The following ACAD10 variants were observed in gnomAD, a reference collection of about 807,000 sequenced individuals.
ACAD10 encodes the protein ACAD-10.
ACAD10 carries 112 observed loss-of-function variants against 116.8 expected under a neutral mutation model. The observed-to-expected ratio is 0.96, with a 90% CI of 0.82 to 1.12. ACAD10 has a LOEUF of 1.12. Ranked by LOEUF, ACAD10 falls within the 50% of genes most tolerant of loss-of-function variation. ACAD10 has a pLI of 0.00. For synonymous variants in ACAD10, 486 were observed against 510.6 expected, an observed-to-expected ratio of 0.95 and a Z score of 0.65; for missense variants, 1,259 against 1,350.2, an observed-to-expected ratio of 0.93 and a Z score of 1.06.
At chr12:111,720,885 G>C (rs1888996340) in intron 7 of ACAD10, among the ~76,000 whole-genome samples, 1 of 152,048 alleles carries the variant, frequency 6.6e-6, no homozygotes, top group South Asian at 2.1e-4. Flanking sequence ...CTGGGTTCAA[G>C]TGATTCTCAT....
intron 1 of ACAD10, among the ~76,000 whole-genome samples, chr12:111,690,286 A>G (rs769952469): frequency 6.6e-6 from 1 of 152,140 alleles, no homozygotes; most frequent in African/African-American, 2.4e-5. Context: ...ACTTATATAT[A>G]TATGTTTCAT....
Position 111,757,066 on chromosome 12 carries a change from G to T in ACAD10, c.*593G>T, listed in dbSNP as rs2068091291. The T allele has an allele frequency of 1.1e-5, 4 of 356,844 alleles. No homozygotes were observed. Among genetic ancestry groups the T allele is most frequent in the South Asian group, 8.3e-5 (4 of 48,324 alleles). The allele number at this position is 356,844 out of a possible 1,614,324, so 22.1% of individuals were successfully genotyped here. Reference sequence around the variant, plus strand: ...TGTTATTTTGGAAAGGGGTTTTGGGGACACAGAAGAATAAGTAAACACATC... The same window carrying T: ...TGTTATTTTGGAAAGGGGTTTTGGGTACACAGAAGAATAAGTAAACACATC... On this transcript the variant is annotated 3_prime_UTR_variant, in exon 21 of 21. Coordinates refer to ENST00000313698, the MANE Select transcript of ACAD10 (RefSeq NM_025247.6).
In ACAD10 at chr12:111,756,847, G is replaced by A; in HGVS notation, c.*374G>A. On this transcript the variant is annotated 3_prime_UTR_variant, in exon 21 of 21. Coordinates refer to ENST00000313698, the MANE Select transcript of ACAD10 (RefSeq NM_025247.6). ...ACATTTTGGGAGGCCTCCCAAGGCT[G>A]TGGGACGTGCTTGCTCTGGCAGCTG... is the stretch of plus-strand genomic sequence containing the variant. 1 of 465,360 alleles carries A rather than the reference G, an allele frequency of 2.1e-6. No individual in the cohort carries two copies. The highest frequency in any genetic ancestry group is 4.3e-6 in the Non-Finnish European group (1 of 233,190). 28.8% of individuals were successfully genotyped at this position (465,360 alleles called of 1,614,324 possible). A position where few individuals can be genotyped will look rare whatever the true frequency, so the allele number is the denominator to read the frequency against.
chr12:111,715,977 C>T lies in ACAD10; in HGVS notation c.992+15C>T, dbSNP rs757168046. The T allele has an allele frequency of 3.1e-6, 5 of 1,613,742 alleles. No individual in the cohort carries two copies. The highest frequency in any genetic ancestry group is 3.4e-6 in the Non-Finnish European group (4 of 1,179,780). On this transcript the variant is annotated intron_variant, in intron 7 of 20. Transcript: ENST00000313698. ...AGGGAGTTCAGGTAAGTTTTCAGGG[C>T]CAGGGGAGCACTTGCCCACTAGCCT...
Position 111,753,563 on chromosome 12 carries a change from G to A in ACAD10, c.2818-209G>A, listed in dbSNP as rs763874689. 51 of 728,640 alleles carry A rather than the reference G, an allele frequency of 7.0e-5. No homozygotes were observed. In the Admixed American group the frequency reaches 8.2e-4, roughly 12 times the overall value. 45.1% of individuals were successfully genotyped at this position (728,640 alleles called of 1,614,324 possible). A position where few individuals can be genotyped will look rare whatever the true frequency, so the allele number is the denominator to read the frequency against. On this transcript the variant is annotated intron_variant, in intron 18 of 20. Coordinates refer to ENST00000313698, the MANE Select transcript of ACAD10 (RefSeq NM_025247.6). ...TGGGCTGTGGCTGGCTGTGGCACAC[G>A]TGAAGGTTGTGTGTCAGACCTACTC...
rs997869651 is a variant in ACAD10, at chr12:111,733,960, G to A, written c.1432G>A (p.Val478Met). 4 of 1,614,136 alleles carry A rather than the reference G, an allele frequency of 2.5e-6. No homozygotes were observed. The highest frequency in any genetic ancestry group is 1.7e-5 in the Admixed American group (1 of 60,004). The change falls in exon 11 of 21, where the codon GTG becomes ATG. Residue 478 changes from valine to methionine, a missense_variant. Physicochemically the swap from Val to Met is conservative, Grantham distance 21. Transcript: ENST00000313698. ...NLVFHPEEPE[V>M]LAVLDWELST... is the part of the protein sequence containing the mutation. ...GGTGTTTCATCCAGAAGAGCCAGAG[G>A]TGCTTGCTGTCCTTGACTGGGAACT... is the stretch of plus-strand genomic sequence containing the variant.
chr12:111,726,599 C>T (rs1889219497), intron 8 of ACAD10, among the ~76,000 whole-genome samples: 1 of 152,140 alleles, frequency 6.6e-6, no homozygotes, highest in South Asian at 2.1e-4. Context: ...CAGTGGCTCA[C>T]GCCTGTAATC....
chr12:111,701,147 G>C (rs1021993060), intron 2 of ACAD10, among the ~76,000 whole-genome samples: 1 of 151,960 alleles, frequency 6.6e-6, no homozygotes, highest in South Asian at 2.1e-4. Context: ...AAACAACAAA[G>C]GTGTTTTAAT....
rs1162994538 is a variant in ACAD10, at chr12:111,753,756, TC to T, written c.2818-15del. The T allele has an allele frequency of 1.2e-6, 2 of 1,613,744 alleles. No homozygotes were observed. The highest frequency in any genetic ancestry group is 1.7e-5 in the Admixed American group (1 of 60,022). ...AGCCCAGCATGTCCTCAGCCGCACA[TC>T]TCCTGTGTCGACAGGTGAAGTCCCG... On this transcript the variant is annotated splice_polypyrimidine_tract_variant and intron_variant, in intron 18 of 20. Coordinates refer to ENST00000313698, the MANE Select transcript of ACAD10 (RefSeq NM_025247.6).
chr12:111,743,168 A>G (rs1889792267), intron 12 of ACAD10, among the ~76,000 whole-genome samples: 1 of 152,162 alleles, frequency 6.6e-6, no homozygotes, highest in Non-Finnish European at 1.5e-5. Flanking sequence ...ACACATAGCA[A>G]TCTGGATGTG....
At chr12:111,723,324 A>C (rs1321953011) in intron 8 of ACAD10, among the ~76,000 whole-genome samples, 11 of 82,060 alleles carry the variant, frequency 1.3e-4, no homozygotes, top group East Asian at 3.8e-4. Flanking sequence ...GGGGGGGCTG[A>C]CCCCCCCACC....
intron 3 of ACAD10, 150 bp downstream of exon 3, chr12:111,702,460 G>A: frequency 8.7e-7 from 1 of 1,149,456 alleles, no homozygotes; most frequent in South Asian, 1.6e-5. Flanking sequence ...GCCAGGCGCA[G>A]TGGCTCATGC....
rs80351850 is a variant in ACAD10, at chr12:111,737,018, T to A, written c.1714+14T>A. The A allele has an allele frequency of 2.9e-3, 4,656 of 1,611,964 alleles. 123 individuals are homozygous for A. In the African/African-American group the frequency reaches 0.053, roughly 18 times the overall value. On this transcript the variant is annotated intron_variant, in intron 12 of 20. Transcript: ENST00000313698. ...GATCACTCACAGGTAATGGGATGGC[T>A]GCCCTGAAGAGCCACTGCGGGGTGA...
intron 10 of ACAD10, among the ~76,000 whole-genome samples, chr12:111,731,793 T>C (rs1319098432): frequency 1.3e-5 from 2 of 152,124 alleles, no homozygotes; most frequent in African/African-American, 2.4e-5. Context: ...TGAAAAGTAG[T>C]AGGCAGTGGC....
chr12:111,733,804 C>A (rs1456470637), intron 10 of ACAD10, 119 bp from the exon 11 acceptor site: 2 of 1,276,768 alleles, frequency 1.6e-6, no homozygotes, highest in African/African-American at 1.5e-5. Context: ...CTCAGGCACC[C>A]GGGCACAGAG....
At chr12:111,704,493 G>C (rs114984678) in intron 3 of ACAD10, among the ~76,000 whole-genome samples, 2,202 of 151,934 alleles carry the variant, frequency 0.014, 61 homozygotes, top group African/African-American at 0.051. Context: ...AGTGATGGTT[G>C]CACAACTTTG....
At chr12:111,698,453 G>T (rs1303273304) in intron 2 of ACAD10, among the ~76,000 whole-genome samples, 1 of 144,476 alleles carries the variant, frequency 6.9e-6, no homozygotes, top group African/African-American at 2.6e-5. Context: ...TCCGTGAATT[G>T]CTCACTTTTC....
In ACAD10 at chr12:111,756,410, C is replaced by T. The variant is rs574371366; in HGVS notation, c.3117C>T (p.Ala1039=). 15 of 1,612,566 alleles carry T rather than the reference C, an allele frequency of 9.3e-6. No homozygotes were observed. Among genetic ancestry groups the T allele is most frequent in the East Asian group, 4.5e-5 (2 of 44,872 alleles). ...FFTWARALRF[A]DGPDEVHRAT... is the part of the protein sequence containing the mutation. ...CCTGGGCCCGAGCCCTGCGCTTTGC[C>T]GACGGCCCTGACGAGGTGCACCGGG... Residue 1039 remains alanine, a synonymous_variant, in exon 21 of 21, where the codon GCC becomes GCT. Coordinates refer to ENST00000313698, the MANE Select transcript of ACAD10 (RefSeq NM_025247.6).
At chr12:111,748,565 C>A in intron 17 of ACAD10, 90 bp downstream of exon 17, 1 of 1,402,048 alleles carries the variant, frequency 7.1e-7, no homozygotes, top group Non-Finnish European at 9.9e-7. Context: ...TCAGGACTTG[C>A]CACATCCCAC....
Sources: gnomAD v4.1 joint callset for allele counts (sites outside exome capture counted in the v4.1 genomes callset) on GRCh38, gnomAD v4.1.1 for gene constraint, MANE v1.5 for transcripts, NCBI Gene and HGNC (gene_info 2026-07-23, HGNC 2026-07-21) for gene names.